The following RND1 variants were observed in gnomAD, a reference collection of about 807,000 sequenced individuals.
The protein encoded by RND1 is Rho family GTPase 1, also known as rho-related GTP-binding protein Rho6.
RND1 carries 9 observed loss-of-function variants against 27.1 expected under a neutral mutation model. The observed-to-expected ratio is 0.33, with a 90% CI of 0.20 to 0.58. RND1 has a LOEUF of 0.58. Ranked by LOEUF, RND1 falls within the 20% of genes least tolerant of loss-of-function variation. RND1 has a pLI of 0.86. For synonymous variants in RND1, 108 were observed against 115.7 expected, an observed-to-expected ratio of 0.93 and a Z score of 0.43; for missense variants, 253 against 292.2, an observed-to-expected ratio of 0.87 and a Z score of 0.98.
chr12:48,860,127 A>T (rs887765282), intron 4 of RND1, among the ~76,000 whole-genome samples: 10 of 137,246 alleles, frequency 7.3e-5, no homozygotes, highest in Non-Finnish European at 3.0e-5. Context: ...TCTGTCGCCC[A>T]GGTGGGAGTG....
intron 4 of RND1, 24 bp downstream of exon 4, chr12:48,860,973 A>C: frequency 6.2e-7 from 1 of 1,612,420 alleles, no homozygotes; most frequent in Middle Eastern, 2.1e-4. Context: ...CCACCCCACG[A>C]CATGCACTTG....
chr12:48,865,407 T>C, intron 1 of RND1: 1 of 538,108 alleles, frequency 1.9e-6, no homozygotes, highest in Non-Finnish European at 3.4e-6. Context: ...GGGGATCTGA[T>C]GGGTCCTCTG....
intron 2 of RND1, among the ~76,000 whole-genome samples, chr12:48,863,684 G>T (rs1315925274): frequency 1.3e-5 from 2 of 152,090 alleles, no homozygotes; most frequent in African/African-American, 4.8e-5. Flanking sequence ...AAGGCTCATT[G>T]TCTGTCTAAC....
At chr12:48,862,853 T>TGG (rs1211354458) in intron 2 of RND1, among the ~76,000 whole-genome samples, 1 of 151,948 alleles carries the variant, frequency 6.6e-6, no homozygotes, top group Non-Finnish European at 1.5e-5. Context: ...GCCTGCCCCC[T>TGG]CCACCCTGGG....
intron 2 of RND1, among the ~76,000 whole-genome samples, chr12:48,862,938 A>C (rs1938935139): frequency 6.6e-6 from 1 of 151,694 alleles, no homozygotes; most frequent in South Asian, 2.1e-4. Context: ...CCTGCACCAC[A>C]ATCGCCATGG....
At chr12:48,861,457 C>G (rs747302572) in intron 3 of RND1, among the ~76,000 whole-genome samples, 1 of 152,170 alleles carries the variant, frequency 6.6e-6, no homozygotes, top group Non-Finnish European at 1.5e-5. Context: ...CCCCAAAGGG[C>G]CTCACAAGTC....
In RND1 at chr12:48,858,011, G is replaced by A. The variant is rs780303113; in HGVS notation, c.684C>T (p.Ser228=). The A allele has an allele frequency of 6.2e-7, 1 of 1,607,242 alleles. No individual in the cohort carries two copies. Among genetic ancestry groups the A allele is most frequent in the South Asian group, 1.1e-5 (1 of 90,348 alleles). The change falls in exon 5 of 5, where the codon AGC becomes AGT. Residue 228 remains serine, a synonymous_variant. Transcript: ENST00000309739. ...SSTFKKEKAK[S]CSIM ...AATTTCCACTTCACATAATGGAACAGCTTTTGGCCTTTTCCTTCTTGAAGG... is the reference window on the plus strand; with the variant it reads ...AATTTCCACTTCACATAATGGAACAACTTTTGGCCTTTTCCTTCTTGAAGG...
Position 48,859,014 on chromosome 12 carries a change from A to T in RND1, c.454-773T>A, listed in dbSNP as rs1287128852. On this transcript the variant is annotated intron_variant, in intron 4 of 4. Transcript: ENST00000309739. ...CGCTCTGTTGCCCAGGCTGGAGTGC[A>T]GTGGCGCGATCTCGGCTCACTGCAA... 3 of 141,382 alleles carry T rather than the reference A, an allele frequency of 2.1e-5. No individual in the cohort carries two copies. In the Admixed American group the frequency reaches 2.2e-4, roughly 10 times the overall value. The allele number at this position is 141,382 out of a possible 1,614,324, so 8.8% of individuals were successfully genotyped here.
At chr12:48,864,626 T>G (rs551149388) in intron 2 of RND1, among the ~76,000 whole-genome samples, 157 bp downstream of exon 2, 1 of 152,048 alleles carries the variant, frequency 6.6e-6, no homozygotes, top group Non-Finnish European at 1.5e-5. Flanking sequence ...ACCATGCAAC[T>G]GAGTCCACCA....
intron 2 of RND1, among the ~76,000 whole-genome samples, chr12:48,864,169 C>T (rs372080903): frequency 8.5e-5 from 13 of 152,234 alleles, no homozygotes; most frequent in East Asian, 5.8e-4. Flanking sequence ...TCCAAAACAT[C>T]GATGATGCAT....
intron 2 of RND1, 126 bp from the exon 3 acceptor site, chr12:48,862,244 G>A (rs1457475635): frequency 1.6e-6 from 1 of 606,532 alleles, no homozygotes; most frequent in Non-Finnish European, 2.9e-6. Flanking sequence ...CAGGGGGAAT[G>A]TACTGCGGCT....
rs1325073003 is a variant in RND1, at chr12:48,865,701, G to C, written c.67C>G (p.Gln23Glu). 3 of 1,614,150 alleles carry C rather than the reference G, an allele frequency of 1.9e-6. No homozygotes were observed. ...RCKLVLVGDV[Q>E]CGKTAMLQVL... ...TGCAACATCGCGGTCTTCCCACACTGCACGTCCCCGACCAGAACGAGCTTA... is the reference window on the plus strand; with the variant it reads ...TGCAACATCGCGGTCTTCCCACACTCCACGTCCCCGACCAGAACGAGCTTA... Residue 23 changes from glutamine to glutamate, a missense_variant, in exon 1 of 5, where the codon CAG becomes GAG. Coordinates refer to ENST00000309739, the MANE Select transcript of RND1 (RefSeq NM_014470.4).
At chr12:48,864,474 G>A (rs1351755382) in intron 2 of RND1, among the ~76,000 whole-genome samples, 1 of 151,542 alleles carries the variant, frequency 6.6e-6, no homozygotes, top group Non-Finnish European at 1.5e-5. Flanking sequence ...GGTAGGGAAT[G>A]GAAATGGAGA....
At chr12:48,864,954 G>A (rs1938968299) in intron 1 of RND1, 84 bp from the exon 2 acceptor site, 1 of 1,004,092 alleles carries the variant, frequency 1.0e-6, no homozygotes, top group African/African-American at 1.6e-5. Context: ...GCACTCACCA[G>A]AGAGACAGTA....
intron 4 of RND1, among the ~76,000 whole-genome samples, chr12:48,860,224 C>T (rs533863988): frequency 2.0e-5 from 3 of 152,158 alleles, no homozygotes; most frequent in Admixed American, 1.3e-4. Context: ...GCTGGGATTA[C>T]GGGTGCATGC....
rs1862959725 is a variant in RND1 at position 48,865,846 on chromosome 12, C to T, written c.-79G>A. 6.6e-7 allele frequency: 1 copy of T among 1,511,236 alleles called. No individual in the cohort carries two copies. Among genetic ancestry groups the T allele is most frequent in the Non-Finnish European group, 8.9e-7 (1 of 1,128,018 alleles). The allele number at this position is 1,511,236 out of a possible 1,614,324, so 93.6% of individuals were successfully genotyped here. ...GGTGCGTCTCAGCACGCCAATCAAG[C>T]CAGATTCCCTGCCTCCCTCCAACTG... On this transcript the variant is annotated 5_prime_UTR_variant, in exon 1 of 5. Transcript: ENST00000309739.
At chr12:48,864,987 AGAG>A in intron 1 of RND1, 117 bp from the exon 2 acceptor site, 3 of 797,018 alleles carry the variant, frequency 3.8e-6, no homozygotes, top group Non-Finnish European at 6.7e-6. Context: ...ACAAGAAACC[AGAG>A]GAGATGCCTG....
rs376455197 is a variant in RND1 at position 48,857,741 on chromosome 12, G to C, written c.*255C>G. On this transcript the variant is annotated 3_prime_UTR_variant, in exon 5 of 5. Transcript: ENST00000309739. ...CCCACAGCTTTCCTTCCTCTGGAGC[G>C]GGGGGGGCACTGGGGTAGTCGCCCC... 57 of 318,192 alleles carry C rather than the reference G, an allele frequency of 1.8e-4. No individual in the cohort carries two copies. The highest frequency in any genetic ancestry group is 8.3e-4 in the Middle Eastern group (1 of 1,198). The allele number at this position is 318,192 out of a possible 1,614,324, so 19.7% of individuals were successfully genotyped here. A position where few individuals can be genotyped will look rare whatever the true frequency, so the allele number is the denominator to read the frequency against.
At chr12:48,861,711 C>T (rs992221970) in intron 3 of RND1, among the ~76,000 whole-genome samples, 47 of 152,172 alleles carry the variant, frequency 3.1e-4, no homozygotes, top group Non-Finnish European at 5.9e-4. Flanking sequence ...ACCCTCATAC[C>T]GTATCACCTA....
Sources: allele counts gnomAD v4.1 joint callset (sites outside exome capture counted in the v4.1 genomes callset), GRCh38; gene constraint gnomAD v4.1.1; transcripts MANE v1.5; gene names NCBI Gene and HGNC (gene_info 2026-07-23, HGNC 2026-07-21).